Variants in RANBP2 observed in about 807,000 individuals in gnomAD.
RANBP2 encodes E3 SUMO-protein ligase RanBP2.
RANBP2 carries 57 observed loss-of-function variants against 303.6 expected under a neutral mutation model. The ratio of observed to expected loss-of-function variants is 0.19; its 90% CI spans 0.15 to 0.23. RANBP2 has a LOEUF of 0.23. RANBP2 is among the 10% of genes least tolerant of loss of function. The pLI is 1.00. For missense variants in RANBP2, 3,138 were observed against 3,780.8 expected (o/e 0.83, Z 4.46); for synonymous variants, 1,167 against 1,301.5 (o/e 0.90, Z 2.23).
At chr2:109,644,343 C>T in the RANBP2 span, among the ~76,000 whole-genome samples, 4 of 152,120 alleles carry the variant, frequency 2.6e-5, no homozygotes, top group South Asian at 6.2e-4. Flanking sequence ...GCACAGCTGA[C>T]TCTGCACGAA....
At chr2:109,027,342 C>A in the RANBP2 span, among the ~76,000 whole-genome samples, 183 of 151,996 alleles carry the variant, frequency 1.2e-3, 1 homozygote, top group South Asian at 5.4e-3. Context: ...TTGCAGAGGT[C>A]TCCTGGGCCC....
chr2:109,613,275 A>G, the RANBP2 span: 3 of 894,072 alleles, frequency 3.4e-6, no homozygotes, highest in Non-Finnish European at 3.0e-6. Flanking sequence ...TTAGAGTACA[A>G]AAGAGTCAAG....
At chr2:109,340,929 A>G in the RANBP2 span, among the ~76,000 whole-genome samples, 1 of 152,214 alleles carries the variant, frequency 6.6e-6, no homozygotes, top group Non-Finnish European at 1.5e-5. Context: ...TTGCTTTTAA[A>G]TCCTCTCCAA....
the RANBP2 span, among the ~76,000 whole-genome samples, chr2:109,086,275 AG>A: frequency 6.6e-6 from 1 of 151,440 alleles, no homozygotes; most frequent in South Asian, 2.1e-4. Context: ...TTGTTGGGGG[AG>A]GGGGGCGGTC....
the RANBP2 span, among the ~76,000 whole-genome samples, chr2:109,055,217 A>G: frequency 1.3e-5 from 2 of 152,168 alleles, no homozygotes; most frequent in African/African-American, 4.8e-5. Context: ...GTCTGTTCAA[A>G]TCTTGTGCCC....
the RANBP2 span, among the ~76,000 whole-genome samples, chr2:108,909,812 A>C: frequency 6.6e-6 from 1 of 152,292 alleles, no homozygotes; most frequent in South Asian, 2.1e-4. Context: ...TCACCTGCCA[A>C]ATCTCCTCCT....
chr2:109,297,948 AC>A, the RANBP2 span, among the ~76,000 whole-genome samples: 1 of 149,940 alleles, frequency 6.7e-6, no homozygotes, highest in African/African-American at 2.5e-5. Context: ...CCACCACCAG[AC>A]TAGTGCCCCT....
At chr2:108,930,288 C>T in the RANBP2 span, 1 of 1,613,332 alleles carries the variant, frequency 6.2e-7, no homozygotes, top group Non-Finnish European at 8.5e-7. Flanking sequence ...TCCTTAGAAA[C>T]ACATGTGACT....
chr2:108,737,067 C>G (rs1156599467), intron 6 of RANBP2, among the ~76,000 whole-genome samples: 1 of 149,196 alleles, frequency 6.7e-6, no homozygotes, highest in Non-Finnish European at 1.5e-5. Flanking sequence ...ATTTATTTCC[C>G]CATCTGGTAT....
the RANBP2 span, chr2:109,128,261 C>G: frequency 6.6e-6 from 1 of 152,284 alleles, no homozygotes; most frequent in South Asian, 2.1e-4. Flanking sequence ...CTGACGCTCC[C>G]AGAAGCCGGG....
At chr2:109,286,381 C>A in the RANBP2 span, among the ~76,000 whole-genome samples, 1 of 152,168 alleles carries the variant, frequency 6.6e-6, no homozygotes, top group Non-Finnish European at 1.5e-5. Context: ...GGTTGCAATT[C>A]AAAGGCAAGC....
chr2:109,638,814 C>G, the RANBP2 span, among the ~76,000 whole-genome samples: 1 of 152,156 alleles, frequency 6.6e-6, no homozygotes, highest in Non-Finnish European at 1.5e-5. Flanking sequence ...CCCCACAGTT[C>G]TAAATGCCTA....
intron 9 of RANBP2, among the ~76,000 whole-genome samples, chr2:108,749,446 G>A (rs3954208): frequency 1.2e-4 from 18 of 152,010 alleles, no homozygotes; most frequent in Non-Finnish European, 2.4e-4. Context: ...ACAAATGCCC[G>A]CCATCACGCC....
the RANBP2 span, among the ~76,000 whole-genome samples, chr2:109,760,676 GGCGGCGGCGGTA>G: frequency 8.9e-5 from 13 of 145,612 alleles, no homozygotes; most frequent in Admixed American, 7.0e-4. Flanking sequence ...GAGCTTCGGC[GGCGGCGGCGGTA>G]GCGGCGGCGG....
chr2:109,514,385 C>T, the RANBP2 span, among the ~76,000 whole-genome samples: 2 of 152,288 alleles, frequency 1.3e-5, no homozygotes, highest in African/African-American at 4.8e-5. Flanking sequence ...CCCACAGCTG[C>T]AGCCCATCCG....
the RANBP2 span, among the ~76,000 whole-genome samples, chr2:109,331,934 G>A: frequency 6.6e-6 from 1 of 152,186 alleles, no homozygotes; most frequent in Non-Finnish European, 1.5e-5. Context: ...TGCACCCTCA[G>A]CACCTGGCCG....
At chr2:109,404,240 A>G in the RANBP2 span, among the ~76,000 whole-genome samples, 1 of 152,186 alleles carries the variant, frequency 6.6e-6, no homozygotes, top group East Asian at 1.9e-4. Flanking sequence ...TCCACTGTCA[A>G]GCTCTTTGCA....
At chr2:108,732,086 G>A (rs1218086802) in intron 4 of RANBP2, among the ~76,000 whole-genome samples, 1 of 152,016 alleles carries the variant, frequency 6.6e-6, no homozygotes, top group Non-Finnish European at 1.5e-5. Context: ...ATATTGTAAT[G>A]TTTTATATAT....
the RANBP2 span, among the ~76,000 whole-genome samples, chr2:109,291,815 G>T: frequency 6.6e-6 from 1 of 152,176 alleles, no homozygotes; most frequent in South Asian, 2.1e-4. Context: ...TCAAGGAGCA[G>T]CTCCAAACTG....
Sources: gnomAD v4.1 joint callset for allele counts (sites outside exome capture counted in the v4.1 genomes callset) on GRCh38, gnomAD v4.1.1 for gene constraint, MANE v1.5 for transcripts, NCBI Gene and HGNC (gene_info 2026-07-23, HGNC 2026-07-21) for gene names.